Variants in RNF40 observed in about 807,000 individuals in gnomAD.
RNF40 encodes the protein E3 ubiquitin-protein ligase BRE1B.
RNF40 carries 39 observed loss-of-function variants against 123.3 expected under a neutral mutation model. The observed-to-expected ratio is 0.32, with a 90% CI of 0.24 to 0.41. The LOEUF (loss-of-function observed/expected upper bound fraction) is 0.41, where lower values mean the gene tolerates loss of function less well. RNF40 is among the 10% of genes least tolerant of loss of function. RNF40 has a pLI of 1.00. For synonymous variants in RNF40, 538 were observed against 526.0 expected (o/e 1.02, Z -0.31); for missense variants, 1,003 against 1,319.9 (o/e 0.76, Z 3.72).
intron 18 of RNF40, 55 bp from the exon 19 acceptor site, chr16:30,772,034 G>C (rs1031404866): frequency 1.3e-6 from 2 of 1,584,580 alleles, no homozygotes; most frequent in East Asian, 4.6e-5. Flanking sequence ...TATCCTGGGG[G>C]CAAGCGGCTC....
At chr16:30,762,728 G>A in intron 2 of RNF40, 51 bp downstream of exon 2, 1 of 1,594,140 alleles carries the variant, frequency 6.3e-7, no homozygotes, top group Non-Finnish European at 8.5e-7. Context: ...CCCTCCCTCT[G>A]TTCTCTGGCC....
rs1188255376 is a variant in RNF40 at position 30,762,513 on chromosome 16, A to G, written c.-33A>G. On this transcript the variant is annotated 5_prime_UTR_variant, in exon 2 of 20. Transcript: ENST00000324685. ...CGCCTCCTCCCGTTTGACGCCCCTC[A>G]GGGGACCCTGCATCGCTCCAGCCGC... 1.3e-6 allele frequency: 2 copies of G among 1,560,412 alleles called. No individual in the cohort carries two copies. The highest frequency in any genetic ancestry group is 1.2e-5 in the South Asian group (1 of 85,832).
Position 30,767,759 on chromosome 16 carries a change from T to C in RNF40, c.1430-135T>C, listed in dbSNP as rs1406138260. On this transcript the variant is annotated intron_variant, in intron 11 of 19. Transcript: ENST00000324685. The stretch of plus-strand genomic sequence containing the variant: ...AGTCAGCATTATTTACTTTGATGAG[T>C]TCATGCTCCGTTGAGGCCGCAATGT... 4.3e-6 allele frequency: 5 copies of C among 1,173,128 alleles called. No homozygotes were observed. In the Admixed American group the frequency reaches 8.1e-5, roughly 19 times the overall value. The allele number at this position is 1,173,128 out of a possible 1,614,324, so 72.7% of individuals were successfully genotyped here. A position where few individuals can be genotyped will look rare whatever the true frequency, so the allele number is the denominator to read the frequency against.
At chr16:30,764,051 A>C (rs971789940) in intron 4 of RNF40, 128 bp from the exon 5 acceptor site, 4 of 701,554 alleles carry the variant, frequency 5.7e-6, no homozygotes, top group Non-Finnish European at 9.4e-6. Context: ...CAGGATGGAG[A>C]TAATAGTGCA....
chr16:30,762,019 T>C (rs1002601654), upstream of RNF40: 2 of 507,530 alleles, frequency 3.9e-6, no homozygotes, highest in Admixed American at 7.5e-5. Context: ...CGTGAGAAGT[T>C]GCGAGTGCCC....
At chr16:30,764,106 C>T in intron 4 of RNF40, 73 bp from the exon 5 acceptor site, 1 of 1,244,118 alleles carries the variant, frequency 8.0e-7, no homozygotes, top group South Asian at 1.4e-5. Flanking sequence ...TTGAAGGGCT[C>T]AGTCTGGAAC....
At chr16:30,763,346 C>G (rs1020865793) in intron 3 of RNF40, 61 bp downstream of exon 3, 10 of 1,608,494 alleles carry the variant, frequency 6.2e-6, no homozygotes, top group Non-Finnish European at 8.5e-6. Context: ...CCAGATTCCC[C>G]TGCTAGGAAA....
intron 17 of RNF40, 105 bp downstream of exon 17, chr16:30,769,705 C>A: frequency 7.7e-7 from 1 of 1,304,536 alleles, no homozygotes; most frequent in Non-Finnish European, 1.0e-6. Context: ...TGAAGCCAGG[C>A]TGTCACAGAA....
upstream of RNF40, chr16:30,761,667 C>T (rs201918052): frequency 0.015 from 23,107 of 1,535,918 alleles, 206 homozygotes; most frequent in Non-Finnish European, 0.018. Flanking sequence ...TCCTTCCCCG[C>T]TTCCCGCCGC....
chr16:30,773,732 G>A (rs2151336178), intron 19 of RNF40: 1 of 492,020 alleles, frequency 2.0e-6, no homozygotes, highest in East Asian at 3.1e-5. Flanking sequence ...TGATGAATCC[G>A]GACTCTGCTG....
rs756714117 is a variant in RNF40, at chr16:30,769,586, C to T, written c.2572C>T (p.Leu858Phe). The change falls in exon 17 of 20, where the codon CTC (leucine) becomes TTC (phenylalanine). Residue 858 changes from leucine to phenylalanine, a missense_variant. Coordinates refer to ENST00000324685, the MANE Select transcript of RNF40 (RefSeq NM_014771.4). ...ELTLRSQALE[L>F]NKRKAVEAAQ... ...GACGCTGCGCAGCCAAGCCCTGGAG[C>T]TCAACAAGCGGAAGGTGAGGCTGGG... is the stretch of plus-strand genomic sequence containing the variant. 1.3e-6 allele frequency: 2 copies of T among 1,590,344 alleles called. No individual in the cohort carries two copies. The highest frequency in any genetic ancestry group is 8.6e-7 in the Non-Finnish European group (1 of 1,168,356).
rs764968108 is a variant in RNF40, at chr16:30,772,040, G to A, written c.2728-49G>A. 1.2e-5 allele frequency: 19 copies of A among 1,583,124 alleles called. No individual in the cohort carries two copies. The Middle Eastern group carries it at 6.7e-4, about 56-fold the overall frequency. On this transcript the variant is annotated intron_variant, in intron 18 of 19. Transcript: ENST00000324685. ...TCACGGACCTATCCTGGGGGCAAGC[G>A]GCTCAAGGTTGAGGACCCTTGCCCT... is the stretch of plus-strand genomic sequence containing the variant.
chr16:30,774,994 C>G lies in RNF40; in HGVS notation c.*880C>G, dbSNP rs1215919900. On this transcript the variant is annotated 3_prime_UTR_variant, in exon 20 of 20. Coordinates refer to ENST00000324685, the MANE Select transcript of RNF40 (RefSeq NM_014771.4). ...CTTCCAATCATTCCAGCTAGAAGAG[C>G]TTCCCCCTGACACCCTGTGACTGAG... 4.4e-6 allele frequency: 2 copies of G among 456,552 alleles called. No individual in the cohort carries two copies. Among genetic ancestry groups the G allele is most frequent in the Non-Finnish European group, 8.8e-6 (2 of 226,812 alleles). 28.3% of individuals were successfully genotyped at this position (456,552 alleles called of 1,614,324 possible). A position where few individuals can be genotyped will look rare whatever the true frequency, so the allele number is the denominator to read the frequency against.
chr16:30,764,857 G>A (rs2053998574), intron 5 of RNF40, 81 bp from the exon 6 acceptor site: 2 of 1,536,714 alleles, frequency 1.3e-6, no homozygotes, highest in African/African-American at 2.7e-5. Flanking sequence ...ATCACACTGG[G>A]TATATAGCAG....
chr16:30,767,018 A>G (rs1026622065), intron 11 of RNF40, 142 bp downstream of exon 11: 28 of 1,123,688 alleles, frequency 2.5e-5, no homozygotes, highest in Non-Finnish European at 3.3e-5. Context: ...CAGGGCCTGC[A>G]CTGCTTGGCT....
At chr16:30,767,350 G>T (rs1401134905) in intron 11 of RNF40, among the ~76,000 whole-genome samples, 2 of 152,244 alleles carry the variant, frequency 1.3e-5, no homozygotes, top group Admixed American at 1.3e-4. Context: ...AGAAAAGGAA[G>T]ATAGGAAGTA....
In RNF40 at chr16:30,775,229, C is replaced by T. The variant is rs1284121488; in HGVS notation, c.*1115C>T. The T allele has an allele frequency of 5.9e-6, 2 of 338,834 alleles. No individual in the cohort carries two copies. The highest frequency in any genetic ancestry group is 5.8e-6 in the Non-Finnish European group (1 of 172,406). 21.0% of individuals were successfully genotyped at this position (338,834 alleles called of 1,614,324 possible). A position where few individuals can be genotyped will look rare whatever the true frequency, so the allele number is the denominator to read the frequency against. ...GCCGCGCACCCCAAATGTAGTCCCC[C>T]GATTTTAGCTGCAGCAGCTGAGCAG... On this transcript the variant is annotated 3_prime_UTR_variant, in exon 20 of 20. Transcript: ENST00000324685.
In RNF40 at chr16:30,773,918, G is replaced by A. The variant is rs900696009; in HGVS notation, c.2830-20G>A. 6.2e-7 allele frequency: 1 copy of A among 1,601,474 alleles called. No individual in the cohort carries two copies. On this transcript the variant is annotated intron_variant, in intron 19 of 19. Coordinates refer to ENST00000324685, the MANE Select transcript of RNF40 (RefSeq NM_014771.4). ...GCACTGTCAGAGTTGTTCCCAAGCT[G>A]ATGCCTTTGCCTGGCCCAGGCGCGG... is the stretch of plus-strand genomic sequence containing the variant.
rs2054208452 is a variant in RNF40 at position 30,774,999 on chromosome 16, C to G, written c.*885C>G. The G allele has an allele frequency of 4.4e-6, 2 of 456,542 alleles. No homozygotes were observed. The highest frequency in any genetic ancestry group is 8.8e-6 in the Non-Finnish European group (2 of 226,806). The allele number at this position is 456,542 out of a possible 1,614,324, so 28.3% of individuals were successfully genotyped here. On this transcript the variant is annotated 3_prime_UTR_variant, in exon 20 of 20. Transcript: ENST00000324685. ...AATCATTCCAGCTAGAAGAGCTTCCCCCTGACACCCTGTGACTGAGCCTGT... is the reference window on the plus strand; with the variant it reads ...AATCATTCCAGCTAGAAGAGCTTCCGCCTGACACCCTGTGACTGAGCCTGT...
Sources: allele counts gnomAD v4.1 joint callset (sites outside exome capture counted in the v4.1 genomes callset), GRCh38; gene constraint gnomAD v4.1.1; transcripts MANE v1.5; gene names NCBI Gene and HGNC (gene_info 2026-07-23, HGNC 2026-07-21).